Variants in ATOSA observed in about 807,000 individuals in gnomAD.
The protein encoded by ATOSA is atos homolog A, also known as atos homolog protein A.
chr15:52,632,595 C>T, the ATOSA span, among the ~76,000 whole-genome samples: 16 of 152,108 alleles, frequency 1.1e-4, no homozygotes, highest in Admixed American at 9.8e-4. Context: ...TTTTGGCACA[C>T]TTTGCTATGA....
At chr15:52,623,966 T>C in the ATOSA span, among the ~76,000 whole-genome samples, 5 of 152,234 alleles carry the variant, frequency 3.3e-5, no homozygotes, top group African/African-American at 1.2e-4. Context: ...TCTAAGTCTA[T>C]GGCACAAATG....
At chr15:52,653,430 T>A in the ATOSA span, among the ~76,000 whole-genome samples, 1 of 152,206 alleles carries the variant, frequency 6.6e-6, no homozygotes, top group East Asian at 1.9e-4. Flanking sequence ...CATTAAAGAA[T>A]CTGATCACCG....
chr15:52,654,192 C>A, the ATOSA span, among the ~76,000 whole-genome samples: 6 of 151,842 alleles, frequency 4.0e-5, no homozygotes, highest in Admixed American at 3.3e-4. Flanking sequence ...AGAGAATTTA[C>A]AGAAAAAACA....
the ATOSA span, among the ~76,000 whole-genome samples, chr15:52,602,618 A>G: frequency 6.6e-6 from 1 of 152,194 alleles, no homozygotes; most frequent in Non-Finnish European, 1.5e-5. Flanking sequence ...TCTGAATCTC[A>G]TAGGTAGTAT....
At chr15:52,606,150 A>G in the ATOSA span, among the ~76,000 whole-genome samples, 1 of 152,104 alleles carries the variant, frequency 6.6e-6, no homozygotes, top group East Asian at 1.9e-4. Context: ...TTCATATAAT[A>G]TTGTAAAATA....
At chr15:52,665,380 CA>C in the ATOSA span, among the ~76,000 whole-genome samples, 1 of 152,130 alleles carries the variant, frequency 6.6e-6, no homozygotes, top group Non-Finnish European at 1.5e-5. Flanking sequence ...AAACAAGATA[CA>C]AATCAGATAG....
At chr15:52,653,726 C>T in the ATOSA span, among the ~76,000 whole-genome samples, 1 of 152,198 alleles carries the variant, frequency 6.6e-6, no homozygotes, top group East Asian at 1.9e-4. Context: ...TTCGTTAACA[C>T]TTACTGCACA....
the ATOSA span, among the ~76,000 whole-genome samples, chr15:52,632,105 G>A: frequency 6.6e-6 from 1 of 152,154 alleles, no homozygotes; most frequent in Admixed American, 6.5e-5. Flanking sequence ...GAAGGTAGCT[G>A]TATACCCATT....
the ATOSA span, chr15:52,611,076 G>A: frequency 6.6e-7 from 1 of 1,522,770 alleles, no homozygotes; most frequent in Non-Finnish European, 8.8e-7. Context: ...CCATTCGGTT[G>A]CTAACCAAGG....
chr15:52,635,587 TTGGGAGGCTGAGG>T, the ATOSA span, among the ~76,000 whole-genome samples: 3 of 152,050 alleles, frequency 2.0e-5, no homozygotes, highest in Admixed American at 1.3e-4. Flanking sequence ...TCCCAGCTAC[TTGGGAGGCTGAGG>T]TGGGAGGATA....
At chr15:52,615,302 A>C in the ATOSA span, among the ~76,000 whole-genome samples, 1 of 152,210 alleles carries the variant, frequency 6.6e-6, no homozygotes, top group Non-Finnish European at 1.5e-5. Context: ...AGCTAATTTT[A>C]AAAACTGTTA....
chr15:52,631,900 G>A, the ATOSA span, among the ~76,000 whole-genome samples: 1 of 152,120 alleles, frequency 6.6e-6, no homozygotes, highest in African/African-American at 2.4e-5. Context: ...ATCATGCCCA[G>A]CTATTTTTTT....
At chr15:52,620,789 A>T in the ATOSA span, among the ~76,000 whole-genome samples, 1 of 152,102 alleles carries the variant, frequency 6.6e-6, no homozygotes, top group South Asian at 2.1e-4. Flanking sequence ...CTCTACAAAA[A>T]TTAGCCGGTG....
the ATOSA span, among the ~76,000 whole-genome samples, chr15:52,698,504 A>G: frequency 2.0e-4 from 31 of 152,338 alleles, no homozygotes; most frequent in East Asian, 5.6e-3. Context: ...CAAATGCTCA[A>G]ATAAATTGTA....
chr15:52,672,975 GAA>G, the ATOSA span, among the ~76,000 whole-genome samples: 1 of 152,200 alleles, frequency 6.6e-6, no homozygotes, highest in Non-Finnish European at 1.5e-5. Context: ...ATGGATGAAA[GAA>G]CAACAGTAGC....
At chr15:52,621,952 C>G in the ATOSA span, among the ~76,000 whole-genome samples, 5 of 151,840 alleles carry the variant, frequency 3.3e-5, no homozygotes, top group African/African-American at 1.2e-4. Flanking sequence ...GGGGTTCAAG[C>G]AATTCTCTTG....
At chr15:52,639,498 C>T in the ATOSA span, among the ~76,000 whole-genome samples, 4 of 152,096 alleles carry the variant, frequency 2.6e-5, no homozygotes, top group East Asian at 5.8e-4. Flanking sequence ...TGTATAATGA[C>T]GGCTTTTAGC....
chr15:52,595,562 G>A, the ATOSA span, among the ~76,000 whole-genome samples: 4 of 149,084 alleles, frequency 2.7e-5, no homozygotes, highest in East Asian at 1.9e-4. Flanking sequence ...AAAAAGGCAC[G>A]AAAATAAAAA....
chr15:52,612,948 T>C, the ATOSA span, among the ~76,000 whole-genome samples: 34 of 151,356 alleles, frequency 2.2e-4, no homozygotes, highest in Admixed American at 5.3e-4. Context: ...ACAAAAAATA[T>C]CTTCCCATTT....
Sources: gnomAD v4.1 joint callset for allele counts (sites outside exome capture counted in the v4.1 genomes callset) on GRCh38, gnomAD v4.1.1 for gene constraint, MANE v1.5 for transcripts, NCBI Gene and HGNC (gene_info 2026-07-23, HGNC 2026-07-21) for gene names.